The following TNKS2 variants were observed in gnomAD, a reference collection of about 807,000 sequenced individuals.
TNKS2 encodes poly [ADP-ribose] polymerase tankyrase-2.
Under a neutral mutation model 137.6 loss-of-function variants are expected in TNKS2, and 72 were observed. The ratio of observed to expected loss-of-function variants is 0.52; its 90% CI spans 0.43 to 0.64. The LOEUF is 0.64. TNKS2 is among the 30% of genes least tolerant of loss of function. TNKS2 has a pLI of 0.00. For synonymous variants in TNKS2, 516 were observed against 512.1 expected (o/e 1.01, Z -0.10); for missense variants, 1,049 against 1,410.2 (o/e 0.74, Z 4.10).
At chr10:91,815,432 G>A (rs1232533214) in intron 2 of TNKS2, among the ~76,000 whole-genome samples, 1 of 151,854 alleles carries the variant, frequency 6.6e-6, no homozygotes, top group East Asian at 1.9e-4. Flanking sequence ...CCCAACTCTG[G>A]TACCTCAGAA....
chr10:91,812,661 C>A, intron 1 of TNKS2: 2 of 491,018 alleles, frequency 4.1e-6, no homozygotes, highest in Non-Finnish European at 5.3e-6. Flanking sequence ...ATACTAAATA[C>A]GCAGAACTCT....
intron 1 of TNKS2, among the ~76,000 whole-genome samples, chr10:91,808,441 T>C (rs1844398959): frequency 6.6e-6 from 1 of 152,116 alleles, no homozygotes; most frequent in Admixed American, 6.5e-5. Flanking sequence ...TAGTAGAGTG[T>C]TTGAATTTTA....
intron 2 of TNKS2, among the ~76,000 whole-genome samples, chr10:91,816,380 T>G (rs1443490412): frequency 6.6e-6 from 1 of 152,212 alleles, no homozygotes; most frequent in African/African-American, 2.4e-5. Context: ...ACTACTCAGC[T>G]AGCAACCCTT....
intron 18 of TNKS2, among the ~76,000 whole-genome samples, chr10:91,847,440 C>T (rs1000144128): frequency 6.6e-6 from 1 of 152,156 alleles, no homozygotes; most frequent in Non-Finnish European, 1.5e-5. Flanking sequence ...TCTGGGCTCA[C>T]TGCAACCTCC....
intron 11 of TNKS2, 145 bp from the exon 12 acceptor site, chr10:91,833,708 T>G (rs1411098313): frequency 9.8e-6 from 6 of 611,748 alleles, no homozygotes; most frequent in Admixed American, 7.6e-5. Context: ...TCTCTAGATT[T>G]GAGCAAAAAT....
intron 9 of TNKS2, among the ~76,000 whole-genome samples, chr10:91,829,866 C>T (rs1219043227): frequency 6.6e-6 from 1 of 152,160 alleles, no homozygotes; most frequent in Non-Finnish European, 1.5e-5. Context: ...TTACCCAGAA[C>T]TTTTATTCTA....
At chr10:91,845,623 A>G in intron 17 of TNKS2, 129 bp from the exon 18 acceptor site, 1 of 669,978 alleles carries the variant, frequency 1.5e-6, no homozygotes, top group South Asian at 4.2e-5. Flanking sequence ...GTTGGGGAGA[A>G]AGAGTTTTTC....
At chr10:91,806,281 T>C (rs553139042) in intron 1 of TNKS2, among the ~76,000 whole-genome samples, 45 of 152,320 alleles carry the variant, frequency 3.0e-4, no homozygotes, top group Middle Eastern at 6.8e-3. Flanking sequence ...ACTTCTAGTT[T>C]ACTGGAAAAC....
At chr10:91,848,085 A>G (rs1299385188) in intron 18 of TNKS2, among the ~76,000 whole-genome samples, 2 of 152,140 alleles carry the variant, frequency 1.3e-5, no homozygotes, top group Non-Finnish European at 1.5e-5. Context: ...CAGATTTTGA[A>G]ATATTATACT....
At chr10:91,848,333 G>A (rs1228465420) in intron 18 of TNKS2, 50 bp from the exon 19 acceptor site, 9 of 1,573,704 alleles carry the variant, frequency 5.7e-6, no homozygotes, top group South Asian at 2.4e-5. Context: ...AGGTATAATA[G>A]CATTTTAAAA....
At chr10:91,844,844 AC>A in intron 16 of TNKS2, 74 bp from the exon 17 acceptor site, 1 of 888,160 alleles carries the variant, frequency 1.1e-6, no homozygotes, top group Non-Finnish European at 1.8e-6. Flanking sequence ...TTTTATGTTA[AC>A]AAGTGGAAGT....
At chr10:91,804,788 C>G (rs940331688) in intron 1 of TNKS2, among the ~76,000 whole-genome samples, 5 of 152,156 alleles carry the variant, frequency 3.3e-5, no homozygotes, top group Admixed American at 1.3e-4. Flanking sequence ...CAGAGTTTCA[C>G]TCTTGTCGCC....
intron 13 of TNKS2, among the ~76,000 whole-genome samples, chr10:91,838,751 G>A (rs1312377178): frequency 6.6e-6 from 1 of 152,210 alleles, no homozygotes; most frequent in Non-Finnish European, 1.5e-5. Flanking sequence ...TAAACCCCTT[G>A]AGGTAAACCC....
intron 16 of TNKS2, 88 bp from the exon 17 acceptor site, chr10:91,844,831 C>CT (rs986531058): frequency 1.3e-6 from 1 of 783,102 alleles, no homozygotes; most frequent in Non-Finnish European, 2.1e-6. Context: ...CATGTAATGA[C>CT]TTTTTTATGT....
chr10:91,833,958 A>G lies in TNKS2; in HGVS notation c.1381A>G (p.Ile461Val). 6.2e-7 allele frequency: 1 copy of G among 1,613,838 alleles called. No homozygotes were observed. The highest frequency in any genetic ancestry group is 1.3e-5 in the African/African-American group (1 of 75,024). The change falls in exon 12 of 27, where the codon ATT becomes GTT. Residue 461 changes from isoleucine (I) to valine (V), a missense_variant. This residue lies in a region of TNKS2 where 328 missense variants were observed against 436.0 expected (regional missense o/e 0.75). Transcript: ENST00000371627. ...CCTGAGCTATGGGTGTGATCCTAAC[A>G]TTATATCCCTTCAGGGCTTTACTGC... ...LLLSYGCDPN[I>V]ISLQGFTALQ...
chr10:91,803,849 A>G (rs1844248833), intron 1 of TNKS2, among the ~76,000 whole-genome samples: 1 of 152,176 alleles, frequency 6.6e-6, no homozygotes, highest in South Asian at 2.1e-4. Context: ...TAGATATTGC[A>G]AGACATCACC....
chr10:91,840,615 A>G lies in TNKS2; in HGVS notation c.1582A>G (p.Thr528Ala). The G allele has an allele frequency of 1.2e-6, 2 of 1,614,102 alleles. No individual in the cohort carries two copies. The highest frequency in any genetic ancestry group is 1.7e-6 in the Non-Finnish European group (2 of 1,179,974). ...CAGAGACATTGAAGGGCGTCAGTCT[A>G]CACCACTTCATTTTGCAGCTGGGTA... is the stretch of plus-strand genomic sequence containing the variant. The part of the protein sequence containing the change: ...NCRDIEGRQS[T>A]PLHFAAGYNR... The change falls in exon 14 of 27, where the codon ACA (threonine) becomes GCA (alanine). Residue 528 changes from threonine to alanine, a missense_variant. Coordinates refer to ENST00000371627, the MANE Select transcript of TNKS2 (RefSeq NM_025235.4).
At chr10:91,840,746 T>A in intron 14 of TNKS2, 40 bp downstream of exon 14, 1 of 1,552,706 alleles carries the variant, frequency 6.4e-7, no homozygotes. Flanking sequence ...TTCCTTACTT[T>A]TACTTGACCT....
In TNKS2 at chr10:91,854,070, A is replaced by G. The variant is rs77310943; in HGVS notation, c.2816-959A>G. ...GATCATTGACATTTGGAAAACACAC[A>G]AATTCATTGCTGAGGTAAACAATCT... is the stretch of plus-strand genomic sequence containing the variant. On this transcript the variant is annotated intron_variant, in intron 21 of 26. Coordinates refer to ENST00000371627, the MANE Select transcript of TNKS2 (RefSeq NM_025235.4). Among the ~76,000 whole-genome samples, 40 of 152,346 alleles carry G rather than the reference A, an allele frequency of 2.6e-4. No individual in the cohort carries two copies. In the East Asian group the frequency reaches 6.7e-3, roughly 26 times the overall value.
Sources: gnomAD v4.1 joint callset for allele counts (sites outside exome capture counted in the v4.1 genomes callset) on GRCh38, gnomAD v4.1.1 for gene constraint, gnomAD v4.1.1 regional missense constraint, MANE v1.5 for transcripts, NCBI Gene and HGNC (gene_info 2026-07-23, HGNC 2026-07-21) for gene names.